PRF1: variants seen among roughly 807,000 people sequenced by gnomAD.
PRF1 encodes perforin 1.
PRF1 carries 11 observed loss-of-function variants against 11.7 expected under a neutral mutation model. The observed-to-expected ratio is 0.94, with a 90% confidence interval of 0.59 to 1.56. PRF1 has a LOEUF of 1.56. Among genes scored for constraint, PRF1 ranks in the 40% most tolerant of loss-of-function variants. The pLI is 0.00. For missense variants in PRF1, 729 were observed against 751.0 expected (o/e 0.97, Z 0.34); for synonymous variants, 314 against 327.8 (o/e 0.96, Z 0.45).
At position 70,597,646 on chromosome 10, in the gene PRF1, G is replaced by C. The variant is rs1422047096; in HGVS notation, c.*407C>G. 1.8e-6 allele frequency: 1 copy of C among 567,048 alleles called. No individual in the cohort carries two copies. Among genetic ancestry groups the C allele is most frequent in the Non-Finnish European group, 3.1e-6 (1 of 323,834 alleles). The allele number at this position is 567,048 out of a possible 1,614,324, so 35.1% of individuals were successfully genotyped here. A position where few individuals can be genotyped will look rare whatever the true frequency, so the allele number is the denominator to read the frequency against. On this transcript the variant is annotated 3_prime_UTR_variant, in exon 3 of 3. Coordinates refer to ENST00000441259, the MANE Select transcript of PRF1 (RefSeq NM_001083116.3). ...TGTGACTGCAGGGCTTGAGAATGGCGGAGGGCTTAGGCAGTTTGGACAGGG... is the reference window on the plus strand; with the variant it reads ...TGTGACTGCAGGGCTTGAGAATGGCCGAGGGCTTAGGCAGTTTGGACAGGG...
rs765232909 is a variant in PRF1, at chr10:70,598,565, G to A, written c.1156C>T (p.Gln386Ter). ...DCSRPCPPGR[Q>*]KSPRDPCQCV... The stretch of plus-strand genomic sequence containing the variant: ...TGGCATGGGTCTCGGGGGCTCTTCT[G>A]CCGCCCTGGTGGGCACGGCCGGCTG... The change falls in exon 3 of 3, where the codon CAG (glutamine) becomes TAG (stop). Residue 386 changes from glutamine to a stop codon, truncating the protein, a stop_gained. Transcript: ENST00000441259. LOFTEE classifies it low-confidence loss of function (END_TRUNC). The A allele has an allele frequency of 1.2e-6, 2 of 1,612,674 alleles. No individual in the cohort carries two copies. Among genetic ancestry groups the A allele is most frequent in the Non-Finnish European group, 1.7e-6 (2 of 1,179,786 alleles).
At position 70,599,186 on chromosome 10, in the gene PRF1, G is replaced by T. The variant is rs368280807; in HGVS notation, c.540-5C>A. The T allele has an allele frequency of 6.2e-7, 1 of 1,614,136 alleles. No homozygotes were observed. On this transcript the variant is annotated splice_region_variant and splice_polypyrimidine_tract_variant and intron_variant, in intron 2 of 2. Coordinates refer to ENST00000441259, the MANE Select transcript of PRF1 (RefSeq NM_001083116.3). Reference sequence around the variant, plus strand: ...GGAGTGTGTACCACATGGAAACTGCGAGAAGAGAGAGACCTCAGCTGGGCC... The same window carrying T: ...GGAGTGTGTACCACATGGAAACTGCTAGAAGAGAGAGACCTCAGCTGGGCC...
intron 1 of PRF1, among the ~76,000 whole-genome samples, chr10:70,601,236 C>T (rs1378558512): frequency 6.6e-6 from 1 of 152,028 alleles, no homozygotes; most frequent in African/African-American, 2.4e-5. Flanking sequence ...GGGCTGTGGC[C>T]ACAGAAGAGG....
rs760042830 is a variant in PRF1, at chr10:70,598,827, C to T, written c.894G>A (p.Glu298=). The T allele has an allele frequency of 3.7e-6, 6 of 1,614,244 alleles. No homozygotes were observed. The Admixed American group carries it at 8.3e-5, about 22-fold the overall frequency. ...GGCCGCCAACCACTTCCGAGTGGCG[C>T]TCCCGGTAGGTTTGGTGGAAGGAGG... ...MTASFHQTYR[E]RHSEVVGGHH... Residue 298 remains glutamate, a synonymous_variant, in exon 3 of 3, where the codon GAG becomes GAA. Transcript: ENST00000441259.
Position 70,599,107 on chromosome 10 carries a change from T to C in PRF1, c.614A>G (p.Asn205Ser), listed in dbSNP as rs770354747. The change falls in exon 3 of 3, where the codon AAC (asparagine) becomes AGC (serine). Residue 205 changes from asparagine to serine, a missense_variant. Asn to Ser is a conservative substitution (Grantham distance 46, BLOSUM62 1). Coordinates refer to ENST00000441259, the MANE Select transcript of PRF1 (RefSeq NM_001083116.3). ...GAGGTAGGCGGGCTGGGTGGAGGCGTTGAAGTGGTGGGGCAGGTCCCCGAG... is the reference window on the plus strand; with the variant it reads ...GAGGTAGGCGGGCTGGGTGGAGGCGCTGAAGTGGTGGGGCAGGTCCCCGAG... ...RALGDLPHHF[N>S]ASTQPAYLRL... 2.0e-5 allele frequency: 33 copies of C among 1,613,864 alleles called. No individual in the cohort carries two copies. Among genetic ancestry groups the C allele is most frequent in the Non-Finnish European group, 2.5e-5 (30 of 1,179,970 alleles).
chr10:70,597,592 C>T lies in PRF1; in HGVS notation c.*461G>A. ...AACAGCCTCTTGGCCTTCTGCCCAG[C>T]TCCTGGCTGAAGCTGTGATCTGTGT... On this transcript the variant is annotated 3_prime_UTR_variant, in exon 3 of 3. Coordinates refer to ENST00000441259, the MANE Select transcript of PRF1 (RefSeq NM_001083116.3). The T allele has an allele frequency of 2.1e-6, 1 of 484,862 alleles. No homozygotes were observed. Among genetic ancestry groups the T allele is most frequent in the East Asian group, 3.1e-5 (1 of 32,090 alleles). The allele number at this position is 484,862 out of a possible 1,614,324, so 30.0% of individuals were successfully genotyped here.
At chr10:70,601,798 C>T (rs1055490146) in intron 1 of PRF1, among the ~76,000 whole-genome samples, 2 of 92,556 alleles carry the variant, frequency 2.2e-5, no homozygotes, top group African/African-American at 4.3e-5. Flanking sequence ...CACTGCACTC[C>T]CGCCTGGGTG....
rs747380397 is a variant in PRF1, at chr10:70,599,026, C to A, written c.695G>T (p.Arg232Leu). Residue 232 changes from arginine to leucine, a missense_variant, in exon 3 of 3, where the codon CGC becomes CTC. Coordinates refer to ENST00000441259, the MANE Select transcript of PRF1 (RefSeq NM_001083116.3). ...GCGCAGGGCAGTGAGGGCCGATATG[C>A]GGCCACCCAGCTCCACAGCCCGGAT... ...HFIRAVELGG[R>L]ISALTALRTC... 17 of 1,613,398 alleles carry A rather than the reference C, an allele frequency of 1.1e-5. No individual in the cohort carries two copies. The highest frequency in any genetic ancestry group is 1.4e-5 in the Non-Finnish European group (16 of 1,179,550).
Position 70,599,199 on chromosome 10 carries a change from C to T in PRF1, c.540-18G>A. 1 of 1,613,976 alleles carries T rather than the reference C, an allele frequency of 6.2e-7. No homozygotes were observed. The highest frequency in any genetic ancestry group is 8.5e-7 in the Non-Finnish European group (1 of 1,179,958). On this transcript the variant is annotated intron_variant, in intron 2 of 2. Transcript: ENST00000441259. Reference sequence around the variant, plus strand: ...CATGGAAACTGCGAGAAGAGAGAGACCTCAGCTGGGCCCAGGGGAGTATTT... The same window carrying T: ...CATGGAAACTGCGAGAAGAGAGAGATCTCAGCTGGGCCCAGGGGAGTATTT...
rs80019657 is a variant in PRF1, at chr10:70,600,031, A to G, written c.539+333T>C. On this transcript the variant is annotated intron_variant, in intron 2 of 2. Coordinates refer to ENST00000441259, the MANE Select transcript of PRF1 (RefSeq NM_001083116.3). The surrounding 1 kb of genome is among the most constrained non-coding windows in gnomAD (Gnocchi z 4.9). ...AGGTCTCCTGCCTCTGTCCCTATCC[A>G]GGAAGGACTCTGTGGAAGGCTGGCT... is the stretch of plus-strand genomic sequence containing the variant. 0.072 allele frequency among the ~76,000 whole-genome samples: 10,946 copies of G among 152,266 alleles called. 488 individuals carry two copies. The highest frequency in any genetic ancestry group is 0.12 in the East Asian group (632 of 5,174).
At position 70,598,182 on chromosome 10, in the gene PRF1, A is replaced by ATT. The variant is rs749918235; in HGVS notation, c.1537_1538dup (p.Asn513LysfsTer6). The ATT allele has an allele frequency of 6.2e-7, 1 of 1,614,160 alleles. No individual in the cohort carries two copies. Among genetic ancestry groups the ATT allele is most frequent in the Non-Finnish European group, 8.5e-7 (1 of 1,180,024 alleles). Reference sequence around the variant, plus strand: ...GATAGCGGAATTTTAGGTGGCCATGATTCAGGTTGCATCTCACCTCATGGG... The same window carrying ATT: ...GATAGCGGAATTTTAGGTGGCCATGATTTTCAGGTTGCATCTCACCTCATGGG... On this transcript the variant is annotated frameshift_variant, in exon 3 of 3. Transcript: ENST00000441259. LOFTEE classifies it low-confidence loss of function (END_TRUNC).
rs375408308 is a variant in PRF1, at chr10:70,600,359, C to T, written c.539+5G>A. The T allele has an allele frequency of 1.9e-6, 3 of 1,614,114 alleles. No individual in the cohort carries two copies. Among genetic ancestry groups the T allele is most frequent in the Middle Eastern group, 1.6e-4 (1 of 6,062 alleles). Reference sequence around the variant, plus strand: ...CAGCCCCCCACCCCTAGCCCCAGCTCTCACCTGTAGAAGCGGCACTCCACC... The same window carrying T: ...CAGCCCCCCACCCCTAGCCCCAGCTTTCACCTGTAGAAGCGGCACTCCACC... On this transcript the variant is annotated splice_donor_5th_base_variant and intron_variant, in intron 2 of 2. Transcript: ENST00000441259. The surrounding 1 kb of genome is among the most constrained non-coding windows in gnomAD (Gnocchi z 4.9).
rs770131011 is a variant in PRF1, at chr10:70,599,179, A to G, written c.542T>C (p.Phe181Ser). The change falls in exon 3 of 3, where the codon TTC becomes TCC. Residue 181 changes from phenylalanine to serine, a missense_variant and splice_region_variant. By Grantham distance (155) the Phe-to-Ser change is radical. Transcript: ENST00000441259. ...CAGCGGGGGAGTGTGTACCACATGG[A>G]AACTGCGAGAAGAGAGAGACCTCAG... The part of the protein sequence containing the change: ...TDTVECRFYS[F>S]HVVHTPPLHP... 6.8e-6 allele frequency: 11 copies of G among 1,614,134 alleles called. No homozygotes were observed. In the South Asian group the frequency reaches 9.9e-5, roughly 15 times the overall value.
In PRF1 at chr10:70,599,171, C is replaced by A; in HGVS notation, c.550G>T (p.Val184Leu). The A allele has an allele frequency of 6.2e-7, 1 of 1,614,154 alleles. No individual in the cohort carries two copies. The highest frequency in any genetic ancestry group is 1.3e-5 in the African/African-American group (1 of 75,042). The change falls in exon 3 of 3, where the codon GTA becomes TTA. Residue 184 changes from valine (V) to leucine (L), a missense_variant. Transcript: ENST00000441259. The stretch of plus-strand genomic sequence containing the variant: ...TCAGGGTGCAGCGGGGGAGTGTGTA[C>A]CACATGGAAACTGCGAGAAGAGAGA... Reference protein sequence around the residue: ...VECRFYSFHVVHTPPLHPDFK... With the variant: ...VECRFYSFHVLHTPPLHPDFK...
rs1456362037 is a variant in PRF1 at position 70,599,068 on chromosome 10, T to G, written c.653A>C (p.Asn218Thr). 6.2e-7 allele frequency: 1 copy of G among 1,613,476 alleles called. No individual in the cohort carries two copies. Among genetic ancestry groups the G allele is most frequent in the East Asian group, 2.2e-5 (1 of 44,862 alleles). The change falls in exon 3 of 3, where the codon AAC becomes ACC. Residue 218 changes from asparagine to threonine, a missense_variant. Transcript: ENST00000441259. ...TQPAYLRLIS[N>T]YGTHFIRAVE... ...AGCCCGGATGAAGTGGGTGCCGTAG[T>G]TGGAGATAAGCCTGAGGTAGGCGGG...
rs1848183014 is a variant in PRF1 at position 70,599,126 on chromosome 10, C to G, written c.595G>C (p.Asp199His). The G allele has an allele frequency of 1.2e-6, 2 of 1,614,108 alleles. No homozygotes were observed. The highest frequency in any genetic ancestry group is 2.2e-5 in the South Asian group (2 of 91,082). ...LHPDFKRALG[D>H]LPHHFNASTQ... is the part of the protein sequence containing the mutation. ...GAGGCGTTGAAGTGGTGGGGCAGGT[C>G]CCCGAGGGCCCTCTTGAAGTCAGGG... The change falls in exon 3 of 3, where the codon GAC (aspartate) becomes CAC (histidine). Residue 199 changes from aspartate to histidine, a missense_variant. Transcript: ENST00000441259.
Position 70,599,024 on chromosome 10 carries a change from T to C in PRF1, c.697A>G (p.Ile233Val). ...FIRAVELGGR[I>V]SALTALRTCE... is the part of the protein sequence containing the mutation. The stretch of plus-strand genomic sequence containing the variant: ...GTGCGCAGGGCAGTGAGGGCCGATA[T>C]GCGGCCACCCAGCTCCACAGCCCGG... The change falls in exon 3 of 3, where the codon ATA becomes GTA. Residue 233 changes from isoleucine to valine, a missense_variant. Physicochemically the swap from Ile to Val is conservative, Grantham distance 29 (BLOSUM62 3). Coordinates refer to ENST00000441259, the MANE Select transcript of PRF1 (RefSeq NM_001083116.3). 6.2e-7 allele frequency: 1 copy of C among 1,613,704 alleles called. No individual in the cohort carries two copies. Among genetic ancestry groups the C allele is most frequent in the Non-Finnish European group, 8.5e-7 (1 of 1,179,662 alleles).
At position 70,600,910 on chromosome 10, in the gene PRF1, C is replaced by T; in HGVS notation, c.-8G>A. 1.9e-6 allele frequency: 3 copies of T among 1,576,190 alleles called. No individual in the cohort carries two copies. The highest frequency in any genetic ancestry group is 2.3e-5 in the South Asian group (2 of 86,582). The stretch of plus-strand genomic sequence containing the variant: ...GAGCAGACGGGCTGCCATGGAGCTG[C>T]AGAGACAGGGGGCACTTGGGCTCTG... On this transcript the variant is annotated 5_prime_UTR_variant, in exon 2 of 3. Coordinates refer to ENST00000441259, the MANE Select transcript of PRF1 (RefSeq NM_001083116.3). This position sits in a 1 kb window ranked among gnomAD's most constrained non-coding sequence, Gnocchi z 4.9.
At position 70,598,563 on chromosome 10, in the gene PRF1, C is replaced by A; in HGVS notation, c.1158G>T (p.Gln386His). ...DCSRPCPPGR[Q>H]KSPRDPCQCV... ...ACTGGCATGGGTCTCGGGGGCTCTTCTGCCGCCCTGGTGGGCACGGCCGGC... is the reference window on the plus strand; with the variant it reads ...ACTGGCATGGGTCTCGGGGGCTCTTATGCCGCCCTGGTGGGCACGGCCGGC... Residue 386 changes from glutamine (Q) to histidine (H), a missense_variant, in exon 3 of 3, where the codon CAG becomes CAT. Coordinates refer to ENST00000441259, the MANE Select transcript of PRF1 (RefSeq NM_001083116.3). 6.2e-7 allele frequency: 1 copy of A among 1,612,928 alleles called. No individual in the cohort carries two copies. The highest frequency in any genetic ancestry group is 8.5e-7 in the Non-Finnish European group (1 of 1,179,806).
Sources: gnomAD v4.1 joint callset for allele counts (sites outside exome capture counted in the v4.1 genomes callset) on GRCh38, gnomAD v4.1.1 for gene constraint, Gnocchi (gnomAD v3.1) non-coding constraint, MANE v1.5 for transcripts, NCBI Gene and HGNC (gene_info 2026-07-23, HGNC 2026-07-21) for gene names.